Variants in DTNB observed in about 807,000 individuals in gnomAD.
DTNB encodes DTN-B.
Under a neutral mutation model 90.7 loss-of-function variants are expected in DTNB, and 63 were observed. The ratio of observed to expected loss-of-function variants is 0.69; its 90% CI spans 0.57 to 0.86. DTNB has a LOEUF of 0.86. Among genes scored for constraint, DTNB ranks in the 40% least tolerant of loss-of-function variants. The probability of loss-of-function intolerance (pLI) is 0.00; values close to 1 mark genes in which losing one functional copy is unlikely to be tolerated. For synonymous variants in DTNB, 277 were observed against 286.7 expected (o/e 0.97, Z 0.34); for missense variants, 744 against 807.1 (o/e 0.92, Z 0.95).
At chr2:25,383,192 T>TCC (rs34280093) in intron 19 of DTNB, among the ~76,000 whole-genome samples, 2 of 149,700 alleles carry the variant, frequency 1.3e-5, no homozygotes, top group African/African-American at 4.9e-5. Flanking sequence ...TCATTTGATC[T>TCC]ATTTATTTTG....
intron 1 of DTNB, among the ~76,000 whole-genome samples, chr2:25,666,572 T>G (rs952832974): frequency 9.9e-5 from 15 of 152,234 alleles, no homozygotes; most frequent in Non-Finnish European, 2.1e-4. Flanking sequence ...TAATTAAATC[T>G]TCTAGAAAGT....
intron 2 of DTNB, among the ~76,000 whole-genome samples, chr2:25,651,357 G>A (rs186803287): frequency 5.3e-4 from 80 of 152,364 alleles, no homozygotes; most frequent in Admixed American, 2.1e-3. Context: ...AAACTAAGCA[G>A]TCTAACTGCA....
chr2:25,458,111 G>A (rs2060330975), intron 10 of DTNB, among the ~76,000 whole-genome samples: 1 of 152,152 alleles, frequency 6.6e-6, no homozygotes, highest in African/African-American at 2.4e-5. Flanking sequence ...GGGATTACAG[G>A]TGTGAGCCAC....
At chr2:25,416,394 G>A (rs887176504) in intron 16 of DTNB, among the ~76,000 whole-genome samples, 22 of 152,256 alleles carry the variant, frequency 1.4e-4, no homozygotes, top group East Asian at 7.7e-4. Flanking sequence ...AATTTTGGCC[G>A]GGCGTGATGG....
chr2:25,491,050 TA>T (rs925729772), intron 9 of DTNB, among the ~76,000 whole-genome samples: 179 of 144,742 alleles, frequency 1.2e-3, no homozygotes, highest in Admixed American at 1.2e-3. Flanking sequence ...ATGCTTAATG[TA>T]AAAAAAAAAA....
At chr2:25,561,992 T>C (rs779078410) in intron 8 of DTNB, among the ~76,000 whole-genome samples, 1 of 152,162 alleles carries the variant, frequency 6.6e-6, no homozygotes, top group Non-Finnish European at 1.5e-5. Context: ...CAACCATAAC[T>C]AATATCTAAT....
At chr2:25,613,383 C>G (rs1052753290) in intron 4 of DTNB, among the ~76,000 whole-genome samples, 1 of 152,136 alleles carries the variant, frequency 6.6e-6, no homozygotes, top group Non-Finnish European at 1.5e-5. Context: ...AGTTTTTCAA[C>G]CCTTGCCCCC....
intron 16 of DTNB, chr2:25,419,020 G>C (rs2048638999): frequency 6.3e-6 from 1 of 158,388 alleles, no homozygotes; most frequent in African/African-American, 2.4e-5. Context: ...AGTGGAGTCA[G>C]TGTCTCAGTC....
chr2:25,514,681 CTTTTTTTTT>C (rs560287104), intron 9 of DTNB, among the ~76,000 whole-genome samples: 1 of 98,862 alleles, frequency 1.0e-5, no homozygotes, highest in Non-Finnish European at 1.9e-5. Flanking sequence ...TGAAAAAAAT[CTTTTTTTTT>C]TTTTTTTTTT....
At chr2:25,495,341 C>T (rs2068583348) in intron 9 of DTNB, among the ~76,000 whole-genome samples, 2 of 152,214 alleles carry the variant, frequency 1.3e-5, no homozygotes, top group South Asian at 4.1e-4. Context: ...GCTAGGATTA[C>T]AGGCATGAGC....
At chr2:25,585,493 A>C (rs535719284) in intron 6 of DTNB, among the ~76,000 whole-genome samples, 31 of 152,284 alleles carry the variant, frequency 2.0e-4, no homozygotes, top group African/African-American at 6.5e-4. Context: ...CCTACATGCC[A>C]TTCTCACTTC....
At chr2:25,417,613 C>T (rs947280160) in intron 16 of DTNB, among the ~76,000 whole-genome samples, 1 of 152,154 alleles carries the variant, frequency 6.6e-6, no homozygotes, top group African/African-American at 2.4e-5. Context: ...TCAGAAGATG[C>T]TGTTAGTCTG....
chr2:25,536,459 C>T (rs980782746), intron 8 of DTNB, among the ~76,000 whole-genome samples: 1 of 151,968 alleles, frequency 6.6e-6, no homozygotes, highest in African/African-American at 2.4e-5. Context: ...CCCAGCACCT[C>T]GGGAGGCCGA....
In DTNB at chr2:25,377,469, G is replaced by C. The variant is rs1448617181; in HGVS notation, c.*114C>G. The C allele has an allele frequency of 6.5e-6, 1 of 152,806 alleles. No individual in the cohort carries two copies. Among genetic ancestry groups the C allele is most frequent in the Non-Finnish European group, 1.5e-5 (1 of 68,144 alleles). 9.5% of individuals were successfully genotyped at this position (152,806 alleles called of 1,614,324 possible). On this transcript the variant is annotated 3_prime_UTR_variant, in exon 21 of 21. Transcript: ENST00000406818. ...GCCTGCAAGCCTGGTCCAGGTGTGCGGTGGAAAGATGGAGAGGAATGTGCC... is the reference window on the plus strand; with the variant it reads ...GCCTGCAAGCCTGGTCCAGGTGTGCCGTGGAAAGATGGAGAGGAATGTGCC...
intron 16 of DTNB, among the ~76,000 whole-genome samples, chr2:25,397,701 G>A (rs752279836): frequency 5.3e-5 from 8 of 151,952 alleles, no homozygotes; most frequent in African/African-American, 1.7e-4. Context: ...CCAACATGGC[G>A]AAACCCTGTC....
In DTNB at chr2:25,536,486, G is replaced by A. The variant is rs190382293; in HGVS notation, c.877-4889C>T. On this transcript the variant is annotated intron_variant, in intron 8 of 20. Coordinates refer to ENST00000406818, the MANE Select transcript of DTNB (RefSeq NM_021907.5). ...GGAGGCCGAGGCGGGCAGATCACCCGAGGCCAGGAGCTGGAGACCAGCCCG... is the reference window on the plus strand; with the variant it reads ...GGAGGCCGAGGCGGGCAGATCACCCAAGGCCAGGAGCTGGAGACCAGCCCG... Among the ~76,000 whole-genome samples, 1,079 of 152,292 alleles carry A rather than the reference G, an allele frequency of 7.1e-3. 13 individuals carry two copies. The highest frequency in any genetic ancestry group is 0.022 in the African/African-American group (922 of 41,564).
chr2:25,525,332 A>G (rs1575390326), intron 9 of DTNB, among the ~76,000 whole-genome samples: 2 of 152,248 alleles, frequency 1.3e-5, no homozygotes, highest in South Asian at 2.1e-4. Flanking sequence ...TTTTATCTAC[A>G]ATGTTTTATT....
At chr2:25,593,106 T>C (rs1430964706) in intron 6 of DTNB, among the ~76,000 whole-genome samples, 1 of 152,182 alleles carries the variant, frequency 6.6e-6, no homozygotes, top group African/African-American at 2.4e-5. Context: ...CTGCAGAAAG[T>C]GAAGCAGCTC....
At chr2:25,634,382 T>G (rs1468927334) in intron 3 of DTNB, among the ~76,000 whole-genome samples, 8 of 71,410 alleles carry the variant, frequency 1.1e-4, no homozygotes, top group Admixed American at 1.4e-4. Context: ...GGGAGGGAGG[T>G]GGGGGGGTCA....
Sources: gnomAD v4.1 joint callset for allele counts (sites outside exome capture counted in the v4.1 genomes callset) on GRCh38, gnomAD v4.1.1 for gene constraint, MANE v1.5 for transcripts, NCBI Gene and HGNC (gene_info 2026-07-23, HGNC 2026-07-21) for gene names.